The following NKAIN3 variants were observed in gnomAD, a reference collection of about 807,000 sequenced individuals.
The protein encoded by NKAIN3 is sodium/potassium transporting ATPase interacting 3, also known as sodium/potassium-transporting ATPase subunit beta-1-interacting protein 3.
Under a neutral mutation model 30.2 loss-of-function variants are expected in NKAIN3, and 25 were observed. The ratio of observed to expected loss-of-function variants is 0.83; its 90% CI spans 0.60 to 1.16. The LOEUF (loss-of-function observed/expected upper bound fraction) is 1.16, where lower values mean the gene tolerates loss of function less well. Ranked by LOEUF, NKAIN3 falls within the 50% of genes most tolerant of loss-of-function variation. NKAIN3 has a pLI of 0.00. For synonymous variants in NKAIN3, 91 were observed against 89.6 expected (o/e 1.02, Z -0.09); for missense variants, 225 against 254.1 (o/e 0.89, Z 0.78).
intron 1 of NKAIN3, among the ~76,000 whole-genome samples, chr8:62,440,430 C>A (rs192694826): frequency 1.4e-3 from 215 of 152,260 alleles, no homozygotes; most frequent in African/African-American, 4.8e-3. Flanking sequence ...TATATTAGCA[C>A]GTATGTCACT....
intron 1 of NKAIN3, among the ~76,000 whole-genome samples, chr8:62,551,145 T>A (rs1809194415): frequency 1.3e-5 from 2 of 152,108 alleles, no homozygotes; most frequent in South Asian, 4.1e-4. Context: ...TTCCATCAGG[T>A]GGTTATTCTG....
intron 1 of NKAIN3, among the ~76,000 whole-genome samples, chr8:62,383,873 T>C (rs1405041008): frequency 3.6e-5 from 5 of 137,698 alleles, no homozygotes; most frequent in Non-Finnish European, 7.9e-5. Flanking sequence ...GACAATTTCA[T>C]GAATTTTCTT....
intron 1 of NKAIN3, among the ~76,000 whole-genome samples, chr8:62,269,300 A>G (rs573809949): frequency 1.1e-3 from 161 of 152,320 alleles, no homozygotes; most frequent in Non-Finnish European, 2.1e-3. Context: ...GAGAGTGCCA[A>G]ACAACCAACT....
intron 4 of NKAIN3, among the ~76,000 whole-genome samples, chr8:62,748,593 T>C (rs973806289): frequency 6.6e-6 from 1 of 152,186 alleles, no homozygotes; most frequent in Non-Finnish European, 1.5e-5. Flanking sequence ...CAATCTACTA[T>C]TTACTATTCT....
At chr8:62,683,255 T>TC (rs565543449) in intron 3 of NKAIN3, among the ~76,000 whole-genome samples, 80 of 152,162 alleles carry the variant, frequency 5.3e-4, no homozygotes, top group Non-Finnish European at 9.3e-4. Context: ...AGGATGGTCT[T>TC]GATCTCCTGA....
At chr8:62,495,814 G>A (rs942357939) in intron 1 of NKAIN3, among the ~76,000 whole-genome samples, 1 of 151,994 alleles carries the variant, frequency 6.6e-6, no homozygotes, top group South Asian at 2.1e-4. Flanking sequence ...ATTCACAGGG[G>A]TTAGGTAACT....
chr8:62,379,705 G>T (rs971305676), intron 1 of NKAIN3, among the ~76,000 whole-genome samples: 1 of 152,128 alleles, frequency 6.6e-6, no homozygotes, highest in African/African-American at 2.4e-5. Context: ...AAGCTATGCA[G>T]AACTGTGAAT....
chr8:62,798,604 AT>A (rs199983586), intron 4 of NKAIN3, among the ~76,000 whole-genome samples: 1,609 of 152,220 alleles, frequency 0.011, 22 homozygotes, highest in South Asian at 0.031. Flanking sequence ...GAAAGTAAAA[AT>A]AAAAGTAGAA....
chr8:62,856,705 G>A (rs1054428311), intron 4 of NKAIN3: 6 of 735,732 alleles, frequency 8.2e-6, no homozygotes, highest in East Asian at 2.5e-5. Context: ...TCTTGGAAAC[G>A]TTTTTGTTCC....
intron 1 of NKAIN3, among the ~76,000 whole-genome samples, chr8:62,382,450 A>G (rs986973866): frequency 1.3e-5 from 2 of 151,972 alleles, no homozygotes; most frequent in Non-Finnish European, 2.9e-5. Flanking sequence ...AATTTTACAG[A>G]AATTTGTATA....
chr8:62,500,463 AAGAAAGAAAG>A (rs1445339360), intron 1 of NKAIN3, among the ~76,000 whole-genome samples: 2 of 143,006 alleles, frequency 1.4e-5, no homozygotes, highest in East Asian at 2.0e-4. Context: ...GAAAGAAAGA[AAGAAAGAAAG>A]AAAGAAAGAA....
intron 4 of NKAIN3, among the ~76,000 whole-genome samples, chr8:62,767,751 G>C (rs530398134): frequency 5.9e-4 from 89 of 152,038 alleles, no homozygotes; most frequent in African/African-American, 2.1e-3. Flanking sequence ...GCTGTCCAAT[G>C]TGACAGCCAC....
chr8:62,298,898 C>T (rs1178346626), intron 1 of NKAIN3, among the ~76,000 whole-genome samples: 2 of 150,100 alleles, frequency 1.3e-5, no homozygotes, highest in East Asian at 1.9e-4. Flanking sequence ...AATAGCCATA[C>T]ATTAATGATA....
intron 1 of NKAIN3, among the ~76,000 whole-genome samples, chr8:62,520,759 A>G (rs1808129673): frequency 6.6e-6 from 1 of 152,128 alleles, no homozygotes; most frequent in Non-Finnish European, 1.5e-5. Context: ...CCCATCTTAG[A>G]CAGCCAAAGG....
chr8:62,266,503 C>T lies in NKAIN3; in HGVS notation c.54+17376C>T, dbSNP rs548958233. ...ATATTATCAAAATTTCAGACATATT[C>T]GAGGGAAACGTAGCATGAGTTAGTT... On this transcript the variant is annotated intron_variant, in intron 1 of 6. Coordinates refer to ENST00000623646, the MANE Select transcript of NKAIN3 (RefSeq NM_001304533.3). Among the ~76,000 whole-genome samples, 7 of 152,120 alleles carry T rather than the reference C, an allele frequency of 4.6e-5. No individual in the cohort carries two copies. The South Asian group carries it at 1.2e-3, about 27-fold the overall frequency.
At chr8:62,725,730 T>C (rs1815236987) in intron 3 of NKAIN3, among the ~76,000 whole-genome samples, 1 of 152,146 alleles carries the variant, frequency 6.6e-6, no homozygotes, top group African/African-American at 2.4e-5. Context: ...TATACCACTC[T>C]GTTTTGGTTA....
intron 4 of NKAIN3, among the ~76,000 whole-genome samples, chr8:62,905,470 C>T (rs1215601626): frequency 6.6e-6 from 1 of 152,152 alleles, no homozygotes; most frequent in Admixed American, 6.5e-5. Flanking sequence ...ATAAAACTCA[C>T]CTTTAAGAAA....
At chr8:62,731,010 T>G (rs1021734194) in intron 3 of NKAIN3, among the ~76,000 whole-genome samples, 7 of 152,124 alleles carry the variant, frequency 4.6e-5, no homozygotes, top group African/African-American at 1.7e-4. Flanking sequence ...CTACATCCTT[T>G]CAATGTGACT....
chr8:62,445,585 A>T (rs1805464446), intron 1 of NKAIN3, among the ~76,000 whole-genome samples: 1 of 152,132 alleles, frequency 6.6e-6, no homozygotes, highest in South Asian at 2.1e-4. Flanking sequence ...GAGAAGGTGA[A>T]ATACAAGTTG....
Sources: allele counts gnomAD v4.1 joint callset (sites outside exome capture counted in the v4.1 genomes callset), GRCh38; gene constraint gnomAD v4.1.1; transcripts MANE v1.5; gene names NCBI Gene and HGNC (gene_info 2026-07-23, HGNC 2026-07-21).